The following ZNF385D variants were observed in gnomAD, a reference collection of about 807,000 sequenced individuals.
ZNF385D encodes zinc finger protein 385D.
A neutral mutation model predicts 35.8 loss-of-function variants in ZNF385D; 15 were observed. That is an observed-to-expected ratio of 0.42 (90% CI 0.28 to 0.64). ZNF385D has a LOEUF of 0.64. Ranked by LOEUF, ZNF385D falls within the 30% of genes least tolerant of loss-of-function variation. The pLI is 0.23. For missense variants in ZNF385D, 474 were observed against 494.6 expected (o/e 0.96, Z 0.39); for synonymous variants, 212 against 186.8 (o/e 1.13, Z -1.10).
At chr3:22,282,873 C>T (rs1339588084) in intron 2 of ZNF385D, among the ~76,000 whole-genome samples, 1 of 151,924 alleles carries the variant, frequency 6.6e-6, no homozygotes, top group Non-Finnish European at 1.5e-5. Flanking sequence ...CTAAGTGTTC[C>T]ACTTAAAAGA....
At chr3:22,182,845 A>T (rs1183351938) in intron 2 of ZNF385D, among the ~76,000 whole-genome samples, 1 of 152,112 alleles carries the variant, frequency 6.6e-6, no homozygotes, top group African/African-American at 2.4e-5. Context: ...CATATACAAT[A>T]GAGATTTTTT....
At chr3:21,926,280 C>T (rs1323099454) in intron 3 of ZNF385D, among the ~76,000 whole-genome samples, 1 of 152,096 alleles carries the variant, frequency 6.6e-6, no homozygotes, top group African/African-American at 2.4e-5. Context: ...GCTATCCCTC[C>T]CCTAGTCCCT....
At chr3:21,608,788 C>T (rs2064575371) in intron 2 of ZNF385D, among the ~76,000 whole-genome samples, 1 of 152,116 alleles carries the variant, frequency 6.6e-6, no homozygotes, top group Admixed American at 6.6e-5. Context: ...GTTCCCAATC[C>T]AGTTGTGAAA....
chr3:21,684,915 T>C (rs998560702), intron 1 of ZNF385D, among the ~76,000 whole-genome samples: 1 of 152,194 alleles, frequency 6.6e-6, no homozygotes, highest in Non-Finnish European at 1.5e-5. Flanking sequence ...ATGACAGGGA[T>C]GCATTTTGCT....
intron 1 of ZNF385D, among the ~76,000 whole-genome samples, chr3:21,694,175 C>T (rs1252760205): frequency 6.6e-6 from 1 of 151,452 alleles, no homozygotes; most frequent in Non-Finnish European, 1.5e-5. Context: ...TCCCGAGTAG[C>T]TGGGACTACA....
intron 2 of ZNF385D, among the ~76,000 whole-genome samples, chr3:22,171,816 G>T (rs1466168686): frequency 6.8e-6 from 1 of 147,926 alleles, no homozygotes; most frequent in Admixed American, 6.8e-5. Flanking sequence ...GGTAGAGCTT[G>T]CAGTGAGCCG....
At chr3:22,284,381 G>A (rs1417902366) in intron 2 of ZNF385D, among the ~76,000 whole-genome samples, 1 of 151,782 alleles carries the variant, frequency 6.6e-6, no homozygotes, top group African/African-American at 2.4e-5. Context: ...TAGTAGAGAT[G>A]GAGTTTCACC....
At chr3:21,653,025 T>C (rs915976955) in intron 2 of ZNF385D, among the ~76,000 whole-genome samples, 1 of 152,124 alleles carries the variant, frequency 6.6e-6, no homozygotes, top group Non-Finnish European at 1.5e-5. Context: ...TAAGGACTTG[T>C]GTGGTCTCCC....
At chr3:22,179,060 C>A (rs13098464) in intron 2 of ZNF385D, among the ~76,000 whole-genome samples, 1 of 151,794 alleles carries the variant, frequency 6.6e-6, no homozygotes, top group Non-Finnish European at 1.5e-5. Context: ...ATTGACTTGG[C>A]GATGTGGGCT....
At chr3:22,368,941 G>A (rs1559545457) in intron 2 of ZNF385D, among the ~76,000 whole-genome samples, 1 of 152,162 alleles carries the variant, frequency 6.6e-6, no homozygotes, top group South Asian at 2.1e-4. Context: ...TCATCTACTT[G>A]TTCAAAATAT....
At chr3:21,744,570 A>C (rs2069672740) in intron 1 of ZNF385D, among the ~76,000 whole-genome samples, 1 of 152,224 alleles carries the variant, frequency 6.6e-6, no homozygotes, top group South Asian at 2.1e-4. Context: ...AGGGAATGCC[A>C]ACATCTGGAG....
chr3:21,833,362 G>T (rs540414870), intron 3 of ZNF385D, among the ~76,000 whole-genome samples: 1 of 152,090 alleles, frequency 6.6e-6, no homozygotes, highest in African/African-American at 2.4e-5. Context: ...AAGAGAAAAA[G>T]GTTACCCTGC....
intron 2 of ZNF385D, among the ~76,000 whole-genome samples, chr3:22,187,206 G>T (rs1303263542): frequency 6.6e-6 from 1 of 152,098 alleles, no homozygotes; most frequent in Non-Finnish European, 1.5e-5. Context: ...CCTTTTTCTA[G>T]CATCAGCTTT....
At chr3:22,330,953 T>C (rs1694905242) in intron 2 of ZNF385D, among the ~76,000 whole-genome samples, 1 of 152,216 alleles carries the variant, frequency 6.6e-6, no homozygotes, top group South Asian at 2.1e-4. Context: ...TTCTGGGGTA[T>C]GGCTATGTCC....
Position 21,797,765 on chromosome 3 carries a change from TATG to T in ZNF385D, c.326-132740_326-132738del, listed in dbSNP as rs941961727. Among the ~76,000 whole-genome samples the T allele has an allele frequency of 3.0e-4, 46 of 152,234 alleles. 2 individuals carry two copies. The highest frequency in any genetic ancestry group is 1.0e-3 in the African/African-American group (42 of 41,544). ...GCAAATTTGAAGAGGCCCCATGCTATATGATTTCAACTATATGACAAAATGGAA... is the reference window on the plus strand; with the variant it reads ...GCAAATTTGAAGAGGCCCCATGCTATATTTCAACTATATGACAAAATGGAA... On this transcript the variant is annotated intron_variant, in intron 3 of 5. Transcript: ENST00000494108.
intron 4 of ZNF385D, among the ~76,000 whole-genome samples, chr3:21,470,821 T>G (rs1703835732): frequency 1.3e-5 from 2 of 152,102 alleles, no homozygotes; most frequent in South Asian, 4.1e-4. Flanking sequence ...TGGTTTTGAA[T>G]GATCATTCCC....
In ZNF385D at chr3:22,098,097, A is replaced by G. The variant is rs537326355; in HGVS notation, c.325+70720T>C. On this transcript the variant is annotated intron_variant, in intron 3 of 5. Transcript: ENST00000494108. ...GGTGGTAGTGGTGGTATATGTTGGG[A>G]AAAGACTGTCCACAAAACATGACTG... Among the ~76,000 whole-genome samples the G allele has an allele frequency of 7.4e-4, 112 of 152,178 alleles. 1 individual carries two copies. In the South Asian group the frequency reaches 0.021, roughly 28 times the overall value.
intron 3 of ZNF385D, among the ~76,000 whole-genome samples, chr3:21,901,125 A>G (rs957762786): frequency 1.4e-4 from 22 of 152,208 alleles, no homozygotes; most frequent in Admixed American, 5.9e-4. Flanking sequence ...ATTTTATTTA[A>G]TTCTCAATAT....
chr3:21,559,275 T>C (rs893091039), intron 3 of ZNF385D, among the ~76,000 whole-genome samples: 2 of 152,196 alleles, frequency 1.3e-5, no homozygotes, highest in African/African-American at 4.8e-5. Flanking sequence ...GTCTTTACAA[T>C]TTGGTATGTT....
Sources: allele counts gnomAD v4.1 joint callset (sites outside exome capture counted in the v4.1 genomes callset), GRCh38; gene constraint gnomAD v4.1.1; transcripts MANE v1.5; gene names NCBI Gene and HGNC (gene_info 2026-07-23, HGNC 2026-07-21).